GIGYF2: variants seen among roughly 807,000 people sequenced by gnomAD.
GIGYF2 encodes GRB10 interacting GYF protein 2.
GIGYF2 carries 25 observed loss-of-function variants against 208.1 expected under a neutral mutation model. That is an observed-to-expected ratio of 0.12 (90% CI 0.09 to 0.17). GIGYF2 has a LOEUF of 0.17. Ranked by LOEUF, GIGYF2 falls within the 10% of genes least tolerant of loss-of-function variation. The pLI is 1.00. For synonymous variants in GIGYF2, 534 were observed against 543.8 expected (o/e 0.98, Z 0.25); for missense variants, 1,302 against 1,579.4 (o/e 0.82, Z 2.98).
At chr2:232,702,085 T>C (rs1695872808) in intron 1 of GIGYF2, among the ~76,000 whole-genome samples, 1 of 152,036 alleles carries the variant, frequency 6.6e-6, no homozygotes, top group African/African-American at 2.4e-5. Context: ...AGGTCAAGGC[T>C]ACAGTGAGCT....
intron 21 of GIGYF2, among the ~76,000 whole-genome samples, chr2:232,824,711 G>A (rs922174233): frequency 2.0e-5 from 3 of 152,232 alleles, no homozygotes; most frequent in Non-Finnish European, 2.9e-5. Flanking sequence ...GATCATTGAT[G>A]AAGGTGGTTG....
intron 8 of GIGYF2, among the ~76,000 whole-genome samples, chr2:232,785,058 G>A (rs1044154031): frequency 6.6e-6 from 1 of 151,276 alleles, no homozygotes; most frequent in Non-Finnish European, 1.5e-5. Context: ...ATAGTCTGCA[G>A]AACCACGAGC....
chr2:232,699,102 G>A (rs1695733993), intron 1 of GIGYF2, among the ~76,000 whole-genome samples: 1 of 152,160 alleles, frequency 6.6e-6, no homozygotes, highest in South Asian at 2.1e-4. Flanking sequence ...AGAATAATAG[G>A]GGTTTGGGGA....
At chr2:232,777,389 T>G (rs1488297752) in intron 8 of GIGYF2, among the ~76,000 whole-genome samples, 1 of 152,218 alleles carries the variant, frequency 6.6e-6, no homozygotes, top group African/African-American at 2.4e-5. Flanking sequence ...TGAAACGTGC[T>G]GTGGTATGGC....
rs760580898 is a variant in GIGYF2 at position 232,847,499 on chromosome 2, TCAGCAGCAGCAGCTGCCACAGCAG to T, written c.3626_3649del (p.Leu1209_Gln1216del). On this transcript the variant is annotated inframe_deletion, in exon 27 of 29. Transcript: ENST00000373563. ...CCAAACAGAAAGCCAACCAGCAGCG[TCAGCAGCAGCAGCTGCCACAGCAG>T]CAGCAGCAGCAGCCGCCACAGCAGC... The T allele has an allele frequency of 8.1e-3, 12,820 of 1,582,546 alleles. 62 individuals carry two copies. The highest frequency in any genetic ancestry group is 9.4e-3 in the Non-Finnish European group (11,042 of 1,168,880).
rs115933388 is a variant in GIGYF2 at position 232,831,929 on chromosome 2, T to C, written c.2530-928T>C. 7.7e-3 allele frequency among the ~76,000 whole-genome samples: 1,170 copies of C among 152,288 alleles called. 14 individuals carry two copies. Among genetic ancestry groups the C allele is most frequent in the African/African-American group, 0.026 (1,081 of 41,542 alleles). Reference sequence around the variant, plus strand: ...TCACATGGCTACCCCTAGTTAACACTGGAAGCTTAAAAGCAAAATCTGACA... The same window carrying C: ...TCACATGGCTACCCCTAGTTAACACCGGAAGCTTAAAAGCAAAATCTGACA... On this transcript the variant is annotated intron_variant, in intron 21 of 28. Transcript: ENST00000373563.
intron 23 of GIGYF2, among the ~76,000 whole-genome samples, chr2:232,841,710 C>T (rs1245359853): frequency 1.3e-5 from 2 of 152,178 alleles, no homozygotes; most frequent in Non-Finnish European, 2.9e-5. Flanking sequence ...ATATTTCTTA[C>T]GTAGAAAAAC....
At chr2:232,821,850 G>A (rs1165851614) in intron 21 of GIGYF2, among the ~76,000 whole-genome samples, 1 of 151,416 alleles carries the variant, frequency 6.6e-6, no homozygotes, top group Admixed American at 6.6e-5. Flanking sequence ...TATGATATGA[G>A]GTATGGGTTG....
rs532441262 is a variant in GIGYF2, at chr2:232,703,254, G to A, written c.-109-170G>A. Reference sequence around the variant, plus strand: ...TTCAGTCCCACTGTAGAACTACTGAGACTTTCTAGATGTTAGGGAACCTAG... The same window carrying A: ...TTCAGTCCCACTGTAGAACTACTGAAACTTTCTAGATGTTAGGGAACCTAG... On this transcript the variant is annotated intron_variant, in intron 1 of 28. Transcript: ENST00000373563. Among the ~76,000 whole-genome samples, 21 of 152,326 alleles carry A rather than the reference G, an allele frequency of 1.4e-4. No homozygotes were observed. The South Asian group carries it at 4.4e-3, about 32-fold the overall frequency.
At position 232,774,696 on chromosome 2, in the gene GIGYF2, C is replaced by T. The variant is rs576650526; in HGVS notation, c.533-12454C>T. ...GCTTCCTGCCTATGTGAAAATGCCC[C>T]TCATGCTCCTGGACACTAGTGCTTG... On this transcript the variant is annotated intron_variant, in intron 8 of 28. Coordinates refer to ENST00000373563, the MANE Select transcript of GIGYF2 (RefSeq NM_001103146.3). 2.6e-5 allele frequency among the ~76,000 whole-genome samples: 4 copies of T among 152,278 alleles called. No homozygotes were observed. In the East Asian group the frequency reaches 5.8e-4, roughly 22 times the overall value.
At chr2:232,832,473 G>A (rs1490731062) in intron 21 of GIGYF2, among the ~76,000 whole-genome samples, 3 of 152,156 alleles carry the variant, frequency 2.0e-5, no homozygotes, top group African/African-American at 7.2e-5. Flanking sequence ...GTGCTTTCAT[G>A]GTAATCAGCA....
intron 6 of GIGYF2, among the ~76,000 whole-genome samples, chr2:232,759,676 G>GTT (rs916790719): frequency 6.8e-6 from 1 of 146,496 alleles, no homozygotes; most frequent in African/African-American, 2.5e-5. Flanking sequence ...TAGATTTCTA[G>GTT]TTTTTTTTTT....
At chr2:232,822,806 T>TC (rs1701133385) in intron 21 of GIGYF2, among the ~76,000 whole-genome samples, 2 of 152,296 alleles carry the variant, frequency 1.3e-5, no homozygotes, top group South Asian at 4.1e-4. Context: ...ACTTAGTACC[T>TC]CCAATAGTAT....
rs201188819 is a variant in GIGYF2, at chr2:232,792,284, TTCG to T, written c.1282+840_1282+842del. ...CCCCCAAACTAGGGTAGGTGTCTTC[TTCG>T]TTTCTTAAACAACCAGGCTTATTTC... On this transcript the variant is annotated intron_variant, in intron 12 of 28. Coordinates refer to ENST00000373563, the MANE Select transcript of GIGYF2 (RefSeq NM_001103146.3). 7.6e-3 allele frequency among the ~76,000 whole-genome samples: 1,158 copies of T among 152,308 alleles called. 13 individuals are homozygous for T. Among genetic ancestry groups the T allele is most frequent in the African/African-American group, 0.026 (1,074 of 41,578 alleles).
intron 3 of GIGYF2, among the ~76,000 whole-genome samples, chr2:232,740,534 A>T (rs1213431896): frequency 6.6e-6 from 1 of 152,186 alleles, no homozygotes; most frequent in Non-Finnish European, 1.5e-5. Context: ...TAAAATAGTT[A>T]TGGCCTTGTG....
At chr2:232,814,577 C>CCCA (rs1553616914) in intron 18 of GIGYF2, among the ~76,000 whole-genome samples, 7 of 130,016 alleles carry the variant, frequency 5.4e-5, no homozygotes, top group Admixed American at 7.7e-5. Flanking sequence ...CCCCCCCCCC[C>CCCA]AAAAAAAAAG....
chr2:232,846,799 C>T (rs1269118896), intron 26 of GIGYF2, among the ~76,000 whole-genome samples: 5 of 152,210 alleles, frequency 3.3e-5, no homozygotes, highest in East Asian at 1.9e-4. Flanking sequence ...AACAGAGGCT[C>T]AGAATGGTTA....
chr2:232,765,918 T>G (rs1223452051), intron 8 of GIGYF2: 1 of 470,986 alleles, frequency 2.1e-6, no homozygotes, highest in East Asian at 6.9e-5. Context: ...TAAAGTTAGT[T>G]CCGAAGTAGT....
At chr2:232,729,512 C>G in intron 2 of GIGYF2, 1 of 1,265,950 alleles carries the variant, frequency 7.9e-7, no homozygotes, top group African/African-American at 1.5e-5. Flanking sequence ...TGCCATGACC[C>G]AGGATGGATT....
Sources: gnomAD v4.1 joint callset for allele counts (sites outside exome capture counted in the v4.1 genomes callset) on GRCh38, gnomAD v4.1.1 for gene constraint, MANE v1.5 for transcripts, NCBI Gene and HGNC (gene_info 2026-07-23, HGNC 2026-07-21) for gene names.